The following CENPP variants were observed in gnomAD, a reference collection of about 807,000 sequenced individuals.
The protein encoded by CENPP is centromere protein P.
CENPP carries 24 observed loss-of-function variants against 35.6 expected under a neutral mutation model. The ratio of observed to expected loss-of-function variants is 0.67; its 90% confidence interval spans 0.49 to 0.95. CENPP has a LOEUF of 0.95. Among genes scored for constraint, CENPP ranks in the 40% least tolerant of loss-of-function variants. The pLI is 0.00. For synonymous variants in CENPP, 120 were observed against 125.5 expected (o/e 0.96, Z 0.29); for missense variants, 332 against 345.3 (o/e 0.96, Z 0.31).
At chr9:92,429,031 A>G (rs565976598) in intron 5 of CENPP, among the ~76,000 whole-genome samples, 49 of 152,256 alleles carry the variant, frequency 3.2e-4, no homozygotes, top group African/African-American at 9.9e-4. Context: ...GTTGCAATTA[A>G]TTATGAATGT....
chr9:92,581,514 C>CA (rs1425098889), intron 5 of CENPP, among the ~76,000 whole-genome samples: 2 of 152,290 alleles, frequency 1.3e-5, no homozygotes, highest in Non-Finnish European at 2.9e-5. Context: ...GATCCTTCAA[C>CA]AGCAGCAATG....
intron 4 of CENPP, among the ~76,000 whole-genome samples, chr9:92,370,077 GT>G (rs1185286925): frequency 6.6e-6 from 1 of 151,936 alleles, no homozygotes; most frequent in Non-Finnish European, 1.5e-5. Flanking sequence ...GAGATTATAT[GT>G]TTTTTTCCCT....
intron 2 of CENPP, among the ~76,000 whole-genome samples, chr9:92,334,385 C>G (rs1455014524): frequency 1.3e-5 from 2 of 152,086 alleles, no homozygotes; most frequent in African/African-American, 2.4e-5. Flanking sequence ...TCCCAAAGTG[C>G]TGGGATTACA....
At chr9:92,582,691 A>G (rs1468328418) in intron 5 of CENPP, among the ~76,000 whole-genome samples, 5 of 151,954 alleles carry the variant, frequency 3.3e-5, no homozygotes, top group African/African-American at 1.2e-4. Flanking sequence ...AATGGAATAG[A>G]AAAAGGGGAC....
At chr9:92,503,965 A>G (rs958824515) in intron 5 of CENPP, among the ~76,000 whole-genome samples, 12 of 152,188 alleles carry the variant, frequency 7.9e-5, no homozygotes, top group African/African-American at 2.4e-4. Context: ...AGTATGTGCC[A>G]CGCATTTGTG....
At chr9:92,372,380 GC>G (rs1842031282) in intron 4 of CENPP, among the ~76,000 whole-genome samples, 1 of 151,698 alleles carries the variant, frequency 6.6e-6, no homozygotes, top group South Asian at 2.1e-4. Flanking sequence ...GATATATGAG[GC>G]TTTGTTCCTG....
intron 5 of CENPP, among the ~76,000 whole-genome samples, chr9:92,400,695 G>C (rs1044877220): frequency 6.6e-6 from 1 of 152,212 alleles, no homozygotes; most frequent in African/African-American, 2.4e-5. Flanking sequence ...TAATTGAAAT[G>C]TATGTGTAAT....
intron 5 of CENPP, among the ~76,000 whole-genome samples, chr9:92,398,017 T>C (rs1215001217): frequency 6.6e-6 from 1 of 152,192 alleles, no homozygotes; most frequent in East Asian, 1.9e-4. Flanking sequence ...AATGTTTCTC[T>C]GACAGTGCGG....
At chr9:92,541,216 G>T (rs183534224) in intron 5 of CENPP, among the ~76,000 whole-genome samples, 19 of 152,082 alleles carry the variant, frequency 1.2e-4, no homozygotes, top group African/African-American at 4.1e-4. Context: ...CCAAGATTGC[G>T]CCACTGCACG....
rs185111177 is a variant in CENPP, at chr9:92,341,410, G to A, written c.378+3781G>A. On this transcript the variant is annotated intron_variant, in intron 3 of 7. Transcript: ENST00000375587. ...GAAACTCCCTAATAAAAACTTGCTG[G>A]TTTTTGTGGCTCGTGGGGCATCACG... 2.0e-5 allele frequency among the ~76,000 whole-genome samples: 3 copies of A among 152,216 alleles called. No individual in the cohort carries two copies. In the East Asian group the frequency reaches 5.8e-4, roughly 29 times the overall value.
intron 5 of CENPP, among the ~76,000 whole-genome samples, chr9:92,567,445 A>T (rs1850024619): frequency 6.9e-6 from 1 of 144,020 alleles, no homozygotes; most frequent in Non-Finnish European, 1.5e-5. Flanking sequence ...CGTATCCATC[A>T]TCTCAAACAT....
chr9:92,475,232 A>C (rs1284409043), intron 5 of CENPP, among the ~76,000 whole-genome samples: 1 of 152,218 alleles, frequency 6.6e-6, no homozygotes, highest in Non-Finnish European at 1.5e-5. Context: ...ATAATGGTTA[A>C]AGGGGAATAG....
chr9:92,551,131 C>T (rs987590566), intron 5 of CENPP, among the ~76,000 whole-genome samples: 1 of 152,094 alleles, frequency 6.6e-6, no homozygotes, highest in Non-Finnish European at 1.5e-5. Context: ...AGACATCTTG[C>T]TTAGTGGCCA....
chr9:92,565,884 A>G (rs903431285), intron 5 of CENPP, among the ~76,000 whole-genome samples: 1 of 152,188 alleles, frequency 6.6e-6, no homozygotes, highest in East Asian at 1.9e-4. Context: ...AACCTTCAAC[A>G]ATCAGTAAAA....
At chr9:92,541,531 G>C (rs1236998510) in intron 5 of CENPP, among the ~76,000 whole-genome samples, 2 of 150,296 alleles carry the variant, frequency 1.3e-5, no homozygotes, top group Admixed American at 1.3e-4. Context: ...TGGCTAATTT[G>C]AGTTAGATTT....
chr9:92,403,977 G>A (rs971093267), intron 5 of CENPP, among the ~76,000 whole-genome samples: 10 of 152,060 alleles, frequency 6.6e-5, no homozygotes, highest in African/African-American at 1.4e-4. Context: ...AAAGCCATAC[G>A]TTTTTAATTT....
intron 5 of CENPP, among the ~76,000 whole-genome samples, chr9:92,597,595 G>A (rs1050126226): frequency 1.3e-5 from 2 of 152,140 alleles, no homozygotes; most frequent in East Asian, 1.9e-4. Flanking sequence ...GAAAATTGTG[G>A]AATTATCTCT....
chr9:92,472,356 CAAAAAT>C (rs1564340444), intron 5 of CENPP, among the ~76,000 whole-genome samples: 1 of 148,606 alleles, frequency 6.7e-6, no homozygotes, highest in Non-Finnish European at 1.5e-5. Flanking sequence ...GACTCTGTCT[CAAAAAT>C]AAAAATAAAA....
At chr9:92,604,625 G>A (rs895772459) in intron 5 of CENPP, among the ~76,000 whole-genome samples, 1 of 152,108 alleles carries the variant, frequency 6.6e-6, no homozygotes, top group Admixed American at 6.5e-5. Context: ...ATGGAGTTTT[G>A]CTCTTGTTGC....
Sources: gnomAD v4.1 joint callset for allele counts (sites outside exome capture counted in the v4.1 genomes callset) on GRCh38, gnomAD v4.1.1 for gene constraint, MANE v1.5 for transcripts, NCBI Gene and HGNC (gene_info 2026-07-23, HGNC 2026-07-21) for gene names.